The following RBFOX1 variants were observed in gnomAD, a reference collection of about 807,000 sequenced individuals.
RBFOX1 encodes the protein RNA binding protein fox-1 homolog 1.
In RBFOX1, 8 loss-of-function variants were observed where a neutral mutation model predicts 57.7. The observed-to-expected ratio is 0.14, with a 90% CI of 0.08 to 0.25. The LOEUF (loss-of-function observed/expected upper bound fraction) is 0.25, where lower values mean the gene tolerates loss of function less well. RBFOX1 is among the 10% of genes least tolerant of loss of function. The probability of loss-of-function intolerance (pLI) is 1.00; values close to 1 mark genes in which losing one functional copy is unlikely to be tolerated. For synonymous variants in RBFOX1, 326 were observed against 222.4 expected, an observed-to-expected ratio of 1.47 and a Z score of -4.15; for missense variants, 611 against 548.5, an observed-to-expected ratio of 1.11 and a Z score of -1.14.
intron 5 of RBFOX1, among the ~76,000 whole-genome samples, chr16:7,577,556 G>A (rs1049850575): frequency 6.6e-6 from 1 of 152,218 alleles, no homozygotes; most frequent in Non-Finnish European, 1.5e-5. Context: ...AGTGTCATAT[G>A]ACCTTGATTT....
At chr16:6,984,564 A>G (rs1420892247) in intron 3 of RBFOX1, among the ~76,000 whole-genome samples, 3 of 152,134 alleles carry the variant, frequency 2.0e-5, no homozygotes, top group Non-Finnish European at 2.9e-5. Flanking sequence ...TGAGTTCCGG[A>G]TTCACTGAAT....
At chr16:5,606,797 T>C (rs1057076924) in intron 3 of RBFOX1, among the ~76,000 whole-genome samples, 1 of 151,990 alleles carries the variant, frequency 6.6e-6, no homozygotes, top group Non-Finnish European at 1.5e-5. Context: ...TAACACTGAT[T>C]GCAGGAGATG....
At chr16:5,275,101 C>G (rs2063110028) in intron 1 of RBFOX1, among the ~76,000 whole-genome samples, 1 of 152,222 alleles carries the variant, frequency 6.6e-6, no homozygotes, top group Non-Finnish European at 1.5e-5. Flanking sequence ...GTCAAGTCCT[C>G]ATGTGACAAT....
chr16:7,604,979 T>C (rs2095227487), intron 9 of RBFOX1, among the ~76,000 whole-genome samples: 3 of 152,176 alleles, frequency 2.0e-5, no homozygotes, highest in Admixed American at 6.5e-5. Context: ...GAGTGATCAC[T>C]TAATAATTAT....
intron 1 of RBFOX1, among the ~76,000 whole-genome samples, chr16:6,138,896 C>G (rs2096689743): frequency 6.6e-6 from 1 of 152,008 alleles, no homozygotes; most frequent in African/African-American, 2.4e-5. Context: ...AGAGCAGCAT[C>G]CAATCACCTT....
intron 1 of RBFOX1, among the ~76,000 whole-genome samples, chr16:5,349,390 A>G (rs901710649): frequency 1.1e-4 from 17 of 152,152 alleles, no homozygotes; most frequent in Non-Finnish European, 1.9e-4. Context: ...ACTTGTCAAG[A>G]TGGCTGGGTA....
At chr16:5,285,455 A>G (rs2063369385) in intron 1 of RBFOX1, among the ~76,000 whole-genome samples, 1 of 151,380 alleles carries the variant, frequency 6.6e-6, no homozygotes, top group Non-Finnish European at 1.5e-5. Context: ...CATTTCATAG[A>G]TTTTCTTTTT....
chr16:7,132,198 C>T (rs1394358947), intron 4 of RBFOX1, among the ~76,000 whole-genome samples: 1 of 151,926 alleles, frequency 6.6e-6, no homozygotes, highest in African/African-American at 2.4e-5. Flanking sequence ...CCAGGCTGGC[C>T]TCAAACTCCT....
intron 3 of RBFOX1, among the ~76,000 whole-genome samples, chr16:6,924,644 C>G (rs115465562): frequency 4.6e-5 from 7 of 151,842 alleles, no homozygotes; most frequent in African/African-American, 1.5e-4. Context: ...CTTGTCCTTA[C>G]TGTGATAAAA....
intron 2 of RBFOX1, among the ~76,000 whole-genome samples, chr16:6,429,367 A>G (rs893818470): frequency 4.6e-5 from 7 of 152,206 alleles, no homozygotes; most frequent in Admixed American, 3.9e-4. Flanking sequence ...AGCCCCTTCC[A>G]TTATAGAATA....
rs1328676223 is a variant in RBFOX1, at chr16:5,322,233, AG to A, written c.219+82129del. 2.0e-5 allele frequency among the ~76,000 whole-genome samples: 3 copies of A among 152,204 alleles called. No homozygotes were observed. The East Asian group carries it at 5.8e-4, about 29-fold the overall frequency. ...AGAAAAACGTAATAAACACAAAACT[AG>A]AAGCAATAGAAAGCTTTTAAGTAAG... On this transcript the variant is annotated intron_variant, in intron 1 of 2. Transcript: ENST00000585867.
chr16:5,355,125 A>G (rs1356857995), intron 1 of RBFOX1, among the ~76,000 whole-genome samples: 1 of 152,228 alleles, frequency 6.6e-6, no homozygotes, highest in Admixed American at 6.5e-5. Flanking sequence ...GGGTCGTCTT[A>G]GCTCAGAAGA....
chr16:6,672,310 C>G (rs1391453555), intron 3 of RBFOX1, among the ~76,000 whole-genome samples: 1 of 151,094 alleles, frequency 6.6e-6, no homozygotes, highest in East Asian at 1.9e-4. Flanking sequence ...ATAAAATAAC[C>G]ATACAAATAT....
chr16:6,217,362 TG>T (rs2097342536), intron 1 of RBFOX1, among the ~76,000 whole-genome samples: 1 of 151,992 alleles, frequency 6.6e-6, no homozygotes, highest in African/African-American at 2.4e-5. Context: ...AGAGGGAAGC[TG>T]AAAAAAAGGG....
intron 4 of RBFOX1, among the ~76,000 whole-genome samples, chr16:7,390,237 A>G (rs753351589): frequency 6.6e-5 from 10 of 152,208 alleles, no homozygotes; most frequent in Non-Finnish European, 1.0e-4. Context: ...ACTGAGAACT[A>G]CAGCTGGACA....
intron 13 of RBFOX1, among the ~76,000 whole-genome samples, chr16:7,676,452 G>A (rs548794218): frequency 4.6e-5 from 7 of 152,268 alleles, no homozygotes; most frequent in African/African-American, 7.2e-5. Context: ...AGTATAAAGA[G>A]TATTTAAATA....
chr16:6,979,745 T>C (rs770001495), intron 3 of RBFOX1, among the ~76,000 whole-genome samples: 1 of 152,212 alleles, frequency 6.6e-6, no homozygotes, highest in Non-Finnish European at 1.5e-5. Flanking sequence ...TCCTAAACAG[T>C]GGATGAAGAT....
At chr16:6,806,836 A>ATATATATTT (rs754342591) in intron 3 of RBFOX1, among the ~76,000 whole-genome samples, 5 of 91,876 alleles carry the variant, frequency 5.4e-5, no homozygotes, top group Admixed American at 1.5e-4. Context: ...ATATATATAT[A>ATATATATTT]TTTTTTTTTT....
At chr16:7,509,745 C>T (rs1600418170) in intron 4 of RBFOX1, among the ~76,000 whole-genome samples, 2 of 152,124 alleles carry the variant, frequency 1.3e-5, no homozygotes, top group Admixed American at 1.3e-4. Flanking sequence ...CTCTCTATCT[C>T]TTTAAACTTT....
Sources: allele counts gnomAD v4.1 joint callset (sites outside exome capture counted in the v4.1 genomes callset), GRCh38; gene constraint gnomAD v4.1.1; transcripts MANE v1.5; gene names NCBI Gene and HGNC (gene_info 2026-07-23, HGNC 2026-07-21).